Variants in SIL1 observed in about 807,000 individuals in gnomAD.
The protein encoded by SIL1 is SIL1 nucleotide exchange factor, also known as nucleotide exchange factor SIL1.
In SIL1, 40 loss-of-function variants were observed where a neutral mutation model predicts 49.1. The observed-to-expected ratio is 0.81, with a 90% confidence interval of 0.63 to 1.06. SIL1 has a LOEUF of 1.06. Among genes scored for constraint, SIL1 ranks in the 50% least tolerant of loss-of-function variants. The probability of loss-of-function intolerance (pLI) is 0.00; values close to 1 mark genes in which losing one functional copy is unlikely to be tolerated. For missense variants in SIL1, 500 were observed against 572.6 expected (o/e 0.87, Z 1.29); for synonymous variants, 253 against 250.8 (o/e 1.01, Z -0.08).
chr5:139,044,721 G>A (rs1228504641), intron 4 of SIL1, among the ~76,000 whole-genome samples: 14 of 151,876 alleles, frequency 9.2e-5, no homozygotes, highest in South Asian at 6.2e-4. Flanking sequence ...TAATTACACC[G>A]CTCCCTCCTG....
At chr5:139,165,744 G>A (rs914622270) in intron 1 of SIL1, among the ~76,000 whole-genome samples, 27 of 151,840 alleles carry the variant, frequency 1.8e-4, no homozygotes, top group Non-Finnish European at 2.4e-4. Context: ...TGCAACCTCC[G>A]CTTCCTGTGT....
chr5:138,979,634 G>T (rs547425815), intron 7 of SIL1, among the ~76,000 whole-genome samples: 2 of 152,288 alleles, frequency 1.3e-5, no homozygotes, highest in African/African-American at 4.8e-5. Context: ...CTCCTAAGTA[G>T]CTGGGACTAC....
intron 4 of SIL1, among the ~76,000 whole-genome samples, chr5:139,049,422 C>T (rs1387163280): frequency 2.0e-5 from 3 of 152,188 alleles, no homozygotes; most frequent in South Asian, 2.1e-4. Context: ...GGTGATCCGC[C>T]GGCCTCGGCC....
chr5:139,021,239 A>G lies in SIL1; in HGVS notation c.699T>C (p.Asn233=), dbSNP rs140891877. The stretch of plus-strand genomic sequence containing the variant: ...CGAGGGGCTCTGTGCTGTTCAGCCC[A>G]TTGATCACCACTTGAAGACCACCAA... ...LSFGGLQVVI[N]GLNSTEPLVK... The change falls in exon 7 of 10, where the codon AAT becomes AAC. Residue 233 remains asparagine, a synonymous_variant. Coordinates refer to ENST00000394817, the MANE Select transcript of SIL1 (RefSeq NM_022464.5). The G allele has an allele frequency of 2.0e-4, 327 of 1,614,172 alleles. No individual in the cohort carries two copies. Among genetic ancestry groups the G allele is most frequent in the South Asian group, 1.5e-3 (137 of 91,090 alleles).
chr5:139,036,014 T>G (rs994811738), intron 5 of SIL1: 2 of 152,176 alleles, frequency 1.3e-5, no homozygotes, highest in African/African-American at 4.8e-5. Flanking sequence ...AATGGGGTTG[T>G]TTTTTTCTTG....
chr5:139,179,190 T>C (rs1455364897), intron 1 of SIL1, among the ~76,000 whole-genome samples: 2 of 152,084 alleles, frequency 1.3e-5, no homozygotes, highest in Non-Finnish European at 2.9e-5. Context: ...ACAAAAGCCT[T>C]TCCCCAGTAA....
chr5:139,122,020 G>A (rs544805225), intron 2 of SIL1, among the ~76,000 whole-genome samples: 50 of 152,252 alleles, frequency 3.3e-4, no homozygotes, highest in African/African-American at 1.1e-3. Flanking sequence ...GAACCAGAGG[G>A]TTCCGGAGCT....
chr5:139,120,773 A>G (rs1750610546), intron 3 of SIL1, among the ~76,000 whole-genome samples: 4 of 152,206 alleles, frequency 2.6e-5, no homozygotes, highest in Admixed American at 2.0e-4. Context: ...GCAGGGAAAG[A>G]AAGTTTTCAA....
At chr5:139,013,853 CA>C (rs1051291336) in intron 7 of SIL1, 1 of 152,090 alleles carries the variant, frequency 6.6e-6, no homozygotes, top group African/African-American at 2.4e-5. Flanking sequence ...AAAAATCAAA[CA>C]AACTCAAAGC....
In SIL1 at chr5:139,129,088, G is replaced by A. The variant is rs184493494; in HGVS notation, c.-10-1235C>T. On this transcript the variant is annotated intron_variant, in intron 1 of 9. Coordinates refer to ENST00000394817, the MANE Select transcript of SIL1 (RefSeq NM_022464.5). ...CGTAAGCCTGGGAGGCAAAGGTTGC[G>A]GTGAGCTGAGATCGCACCACTGCAC... 1.2e-4 allele frequency among the ~76,000 whole-genome samples: 19 copies of A among 152,178 alleles called. No homozygotes were observed. In the South Asian group the frequency reaches 1.9e-3, roughly 15 times the overall value.
intron 3 of SIL1, among the ~76,000 whole-genome samples, chr5:139,105,015 C>T (rs775801920): frequency 7.2e-5 from 11 of 152,090 alleles, no homozygotes; most frequent in Non-Finnish European, 1.3e-4. Flanking sequence ...AAGAAGCACA[C>T]GCAATGAGGG....
rs140228337 is a variant in SIL1, at chr5:139,106,128, C to T, written c.244+14907G>A. Reference sequence around the variant, plus strand: ...AGTTATTTTTCTGCTAGTGCTCTAGCCTGAGCAAAGGTATAGCAAAAGGCT... The same window carrying T: ...AGTTATTTTTCTGCTAGTGCTCTAGTCTGAGCAAAGGTATAGCAAAAGGCT... On this transcript the variant is annotated intron_variant, in intron 3 of 9. Coordinates refer to ENST00000394817, the MANE Select transcript of SIL1 (RefSeq NM_022464.5). Among the ~76,000 whole-genome samples, 356 of 152,314 alleles carry T rather than the reference C, an allele frequency of 2.3e-3. 2 individuals are homozygous for T. The highest frequency in any genetic ancestry group is 8.0e-3 in the African/African-American group (333 of 41,550).
intron 3 of SIL1, among the ~76,000 whole-genome samples, chr5:139,099,345 A>G (rs189201657): frequency 5.9e-5 from 9 of 152,292 alleles, no homozygotes; most frequent in Non-Finnish European, 1.2e-4. Flanking sequence ...GTAAATTACT[A>G]CACCACTATG....
intron 4 of SIL1, 149 bp downstream of exon 4, chr5:139,050,789 T>C: frequency 1.4e-6 from 1 of 728,624 alleles, no homozygotes; most frequent in Non-Finnish European, 2.4e-6. Context: ...AAGTAAACTT[T>C]CATAAAACCC....
chr5:139,195,848 G>A (rs1752257774), intron 1 of SIL1, among the ~76,000 whole-genome samples: 1 of 152,196 alleles, frequency 6.6e-6, no homozygotes, highest in Non-Finnish European at 1.5e-5. Context: ...CTCATCTGAA[G>A]ACAAGGCAGG....
At chr5:139,035,243 C>A (rs144347294) in intron 5 of SIL1, 6 of 474,942 alleles carry the variant, frequency 1.3e-5, no homozygotes, top group Admixed American at 4.5e-5. Context: ...ACTGAGCAGT[C>A]CCCAGGATCT....
chr5:139,174,262 G>C (rs1751834661), intron 1 of SIL1, among the ~76,000 whole-genome samples: 1 of 152,148 alleles, frequency 6.6e-6, no homozygotes, highest in Non-Finnish European at 1.5e-5. Flanking sequence ...CACTTTGGGA[G>C]GCCAAGATAG....
At position 138,947,265 on chromosome 5, in the gene SIL1, C is replaced by T. The variant is rs138448654; in HGVS notation, c.1238G>A (p.Arg413His). The change falls in exon 10 of 10, where the codon CGT becomes CAT. Residue 413 changes from arginine to histidine, a missense_variant. Transcript: ENST00000394817. The surrounding 1 kb of genome is among the most constrained non-coding windows in gnomAD (Gnocchi z 4.1). ...VLLTTCRDRY[R>H]QDPQLGRTLA... is the part of the protein sequence containing the mutation. ...TGTCCTGCCGAGCTGGGGGTCCTGA[C>T]GGTAGCGGTCCCGGCAGGTGGTCAG... 169 of 1,613,466 alleles carry T rather than the reference C, an allele frequency of 1.0e-4. 1 individual carries two copies. The highest frequency in any genetic ancestry group is 3.5e-4 in the South Asian group (32 of 91,078).
chr5:139,054,296 A>G (rs1314894285), intron 3 of SIL1, among the ~76,000 whole-genome samples: 1 of 152,326 alleles, frequency 6.6e-6, no homozygotes, highest in East Asian at 1.9e-4. Flanking sequence ...CTATAGTCCT[A>G]GCCACTTGAA....
Sources: allele counts gnomAD v4.1 joint callset (sites outside exome capture counted in the v4.1 genomes callset), GRCh38; gene constraint gnomAD v4.1.1; non-coding constraint Gnocchi (gnomAD v3.1); transcripts MANE v1.5; gene names NCBI Gene and HGNC (gene_info 2026-07-23, HGNC 2026-07-21).